The following TRAM2 variants were observed in gnomAD, a reference collection of about 807,000 sequenced individuals.
The protein encoded by TRAM2 is translocating chain-associated membrane protein 2.
TRAM2 carries 12 observed loss-of-function variants against 51.0 expected under a neutral mutation model. The observed-to-expected ratio is 0.24, with a 90% CI of 0.15 to 0.38. The LOEUF (loss-of-function observed/expected upper bound fraction) is 0.38, where lower values mean the gene tolerates loss of function less well. Ranked by LOEUF, TRAM2 falls within the 10% of genes least tolerant of loss-of-function variation. The pLI is 1.00. For synonymous variants in TRAM2, 175 were observed against 179.4 expected (o/e 0.98, Z 0.20); for missense variants, 361 against 462.0 (o/e 0.78, Z 2.00).
rs1767478742 is a variant in TRAM2, at chr6:52,560,390, A to AG, written c.120+16405_120+16406insC. On this transcript the variant is annotated intron_variant, in intron 1 of 10. Transcript: ENST00000182527. ...TGTTGCCTGTGCATATATAAACATAAAGTTTCTTTAATTAAAATAGGCTCA... is the reference window on the plus strand; with the variant it reads ...TGTTGCCTGTGCATATATAAACATAAGAGTTTCTTTAATTAAAATAGGCTCA... Among the ~76,000 whole-genome samples, 6 of 152,302 alleles carry AG rather than the reference A, an allele frequency of 3.9e-5. No homozygotes were observed. The South Asian group carries it at 1.2e-3, about 32-fold the overall frequency.
chr6:52,503,593 G>A (rs1371272058), intron 10 of TRAM2, among the ~76,000 whole-genome samples: 2 of 152,184 alleles, frequency 1.3e-5, no homozygotes, highest in Non-Finnish European at 2.9e-5. Context: ...GCCTGAGGCT[G>A]GGGCTAGATA....
chr6:52,536,788 A>G (rs1279724319), intron 1 of TRAM2, among the ~76,000 whole-genome samples: 1 of 152,136 alleles, frequency 6.6e-6, no homozygotes, highest in Non-Finnish European at 1.5e-5. Context: ...CACCATCCAC[A>G]CTGTTCTGAA....
intron 1 of TRAM2, among the ~76,000 whole-genome samples, chr6:52,551,572 C>CA (rs1767310147): frequency 6.6e-6 from 1 of 152,230 alleles, no homozygotes. Flanking sequence ...CCTTTTCCTA[C>CA]AGCTGAGTAG....
chr6:52,508,465 G>A lies in TRAM2; in HGVS notation c.471-147C>T, dbSNP rs149433695. 1.1e-3 allele frequency: 820 copies of A among 723,962 alleles called. 9 individuals carry two copies. In the African/African-American group the frequency reaches 0.013, roughly 11 times the overall value. The allele number at this position is 723,962 out of a possible 1,614,324, so 44.8% of individuals were successfully genotyped here. On this transcript the variant is annotated intron_variant, in intron 5 of 10. Transcript: ENST00000182527. The stretch of plus-strand genomic sequence containing the variant: ...CAAGGGAGTTAGGCCAGTGACCGCC[G>A]CACCCTGAGCCTGGGACCCTGGCTT...
At chr6:52,554,957 TC>T (rs1767378390) in intron 1 of TRAM2, among the ~76,000 whole-genome samples, 1 of 151,978 alleles carries the variant, frequency 6.6e-6, no homozygotes, top group Admixed American at 6.6e-5. Flanking sequence ...CAAGGGATCC[TC>T]CTGCCTCAGC....
chr6:52,512,135 C>T (rs1378337611), intron 4 of TRAM2, among the ~76,000 whole-genome samples: 2 of 152,086 alleles, frequency 1.3e-5, no homozygotes, highest in East Asian at 1.9e-4. Flanking sequence ...ATGTACTTAG[C>T]AGGAAAAATG....
intron 1 of TRAM2, among the ~76,000 whole-genome samples, chr6:52,544,367 T>C (rs1024681321): frequency 6.6e-6 from 1 of 152,220 alleles, no homozygotes; most frequent in African/African-American, 2.4e-5. Context: ...CCCTACTCCA[T>C]GGAGGAGTGT....
In TRAM2 at chr6:52,504,673, C is replaced by T; in HGVS notation, c.957G>A (p.Arg319=). The change falls in exon 10 of 11, where the codon CGG becomes CGA. Residue 319 remains arginine, a synonymous_variant. Transcript: ENST00000182527. ...TTGCACTCTGCTCATTCCAGTATTC[C>T]CGCCAGTGCCGCAGCTGGGAGTGGA... is the stretch of plus-strand genomic sequence containing the variant. ...RFIHSQLRHW[R]EYWNEQSAKR... 1 of 1,613,796 alleles carries T rather than the reference C, an allele frequency of 6.2e-7. No individual in the cohort carries two copies. Among genetic ancestry groups the T allele is most frequent in the Non-Finnish European group, 8.5e-7 (1 of 1,179,976 alleles).
chr6:52,548,683 G>A lies in TRAM2; in HGVS notation c.121-12837C>T, dbSNP rs1452098643. ...CAAGATCCATCTGACCGTGACATCT[G>A]GACTGTTAATCACCATGCTACCTGA... On this transcript the variant is annotated intron_variant, in intron 1 of 10. Transcript: ENST00000182527. 2.6e-5 allele frequency among the ~76,000 whole-genome samples: 4 copies of A among 152,202 alleles called. 1 individual carries two copies. The highest frequency in any genetic ancestry group is 2.6e-4 in the Admixed American group (4 of 15,284).
At chr6:52,516,177 A>G (rs1007928270) in intron 3 of TRAM2, 55 bp from the exon 4 acceptor site, 4 of 1,532,716 alleles carry the variant, frequency 2.6e-6, no homozygotes, top group Non-Finnish European at 2.7e-6. Flanking sequence ...CATATTGGGC[A>G]GGTTTCAAAC....
At chr6:52,505,333 C>G (rs1766327440) in intron 9 of TRAM2, among the ~76,000 whole-genome samples, 1 of 152,202 alleles carries the variant, frequency 6.6e-6, no homozygotes, top group Non-Finnish European at 1.5e-5. Flanking sequence ...GGGTGTGATG[C>G]CTCTGTGCAC....
intron 2 of TRAM2, among the ~76,000 whole-genome samples, chr6:52,527,040 T>C (rs1017459611): frequency 5.3e-5 from 8 of 152,068 alleles, no homozygotes; most frequent in African/African-American, 1.9e-4. Context: ...ACAAACCCAC[T>C]GTTAAATTGA....
At chr6:52,549,712 G>A (rs1019975749) in intron 1 of TRAM2, among the ~76,000 whole-genome samples, 6 of 152,216 alleles carry the variant, frequency 3.9e-5, no homozygotes, top group African/African-American at 1.4e-4. Flanking sequence ...ACTGGGGCAA[G>A]AGAAGGAAAT....
At chr6:52,561,433 C>T (rs1459070929) in intron 1 of TRAM2, among the ~76,000 whole-genome samples, 1 of 151,886 alleles carries the variant, frequency 6.6e-6, no homozygotes, top group Non-Finnish European at 1.5e-5. Flanking sequence ...CAGGTATATG[C>T]CGCCATGCCT....
chr6:52,507,491 GTGGACAGATGCA>G, intron 7 of TRAM2, 50 bp downstream of exon 7: 2 of 1,532,304 alleles, frequency 1.3e-6, no homozygotes, highest in Non-Finnish European at 1.8e-6. Context: ...ATATGAGTGT[GTGGACAGATGCA>G]TGGACATAAA....
chr6:52,545,545 T>G (rs1767183936), intron 1 of TRAM2, among the ~76,000 whole-genome samples: 2 of 151,492 alleles, frequency 1.3e-5, no homozygotes, highest in South Asian at 2.1e-4. Flanking sequence ...CTTGCAGGAG[T>G]AGGGGAGGAA....
chr6:52,515,965 G>T, intron 4 of TRAM2, 41 bp downstream of exon 4: 1 of 1,580,430 alleles, frequency 6.3e-7, no homozygotes, highest in Non-Finnish European at 8.7e-7. Context: ...TTGCCCCTTG[G>T]TTTGAGCTCT....
At chr6:52,518,047 C>T (rs767760057) in intron 2 of TRAM2, among the ~76,000 whole-genome samples, 1 of 152,188 alleles carries the variant, frequency 6.6e-6, no homozygotes, top group Non-Finnish European at 1.5e-5. Flanking sequence ...ATAAAAGACA[C>T]CACCCCCGGT....
At chr6:52,525,760 A>T (rs1245577065) in intron 2 of TRAM2, among the ~76,000 whole-genome samples, 1 of 152,178 alleles carries the variant, frequency 6.6e-6, no homozygotes, top group Non-Finnish European at 1.5e-5. Context: ...GTGAGCCGAG[A>T]TTGTGCCACT....
Sources: gnomAD v4.1 joint callset for allele counts (sites outside exome capture counted in the v4.1 genomes callset) on GRCh38, gnomAD v4.1.1 for gene constraint, MANE v1.5 for transcripts, NCBI Gene and HGNC (gene_info 2026-07-23, HGNC 2026-07-21) for gene names.